Variants in BASP1 observed in about 807,000 individuals in gnomAD.
BASP1 encodes the protein brain acid soluble protein 1.
In BASP1, 1 loss-of-function variant was observed where a neutral mutation model predicts 2.2. The ratio of observed to expected loss-of-function variants is 0.46; its 90% CI spans 0.16 to 2.17. BASP1 has a LOEUF of 2.17. Among genes scored for constraint, BASP1 ranks in the 30% most tolerant of loss-of-function variants. BASP1 has a pLI of 0.27. For missense variants in BASP1, 352 were observed against 327.2 expected, an observed-to-expected ratio of 1.08 and a Z score of -0.58; for synonymous variants, 187 against 154.2, an observed-to-expected ratio of 1.21 and a Z score of -1.58.
At chr5:17,237,806 T>G (rs1013218737) in intron 1 of BASP1, among the ~76,000 whole-genome samples, 3 of 152,048 alleles carry the variant, frequency 2.0e-5, no homozygotes, top group Non-Finnish European at 4.4e-5. Flanking sequence ...AGACAGTGTT[T>G]CACCATGTTG....
intron 1 of BASP1, among the ~76,000 whole-genome samples, chr5:17,235,404 G>A (rs565248320): frequency 7.2e-4 from 110 of 152,038 alleles, no homozygotes; most frequent in African/African-American, 2.5e-3. Flanking sequence ...GGGATTACAG[G>A]TGCCCGCCAC....
At chr5:17,226,981 T>G (rs1213074416) in intron 1 of BASP1, among the ~76,000 whole-genome samples, 1 of 151,322 alleles carries the variant, frequency 6.6e-6, no homozygotes, top group Non-Finnish European at 1.5e-5. Flanking sequence ...CAGGCTGGAG[T>G]GCAGTGGCGC....
intron 1 of BASP1, among the ~76,000 whole-genome samples, chr5:17,261,472 A>G (rs1740314698): frequency 6.6e-6 from 1 of 152,242 alleles, no homozygotes; most frequent in Non-Finnish European, 1.5e-5. Flanking sequence ...ACTATTTCAA[A>G]GAGACATGAT....
At chr5:17,270,844 T>A (rs149708555) in intron 1 of BASP1, among the ~76,000 whole-genome samples, 2,841 of 152,196 alleles carry the variant, frequency 0.019, 87 homozygotes, top group African/African-American at 0.064. Context: ...TTTAAAAAAA[T>A]TTTTTTATTT....
At chr5:17,259,869 T>A (rs1740282414) in intron 1 of BASP1, among the ~76,000 whole-genome samples, 1 of 152,240 alleles carries the variant, frequency 6.6e-6, no homozygotes, top group Non-Finnish European at 1.5e-5. Flanking sequence ...ATATCTCAGC[T>A]GCTCTAAGTG....
At position 17,275,406 on chromosome 5, in the gene BASP1, G is replaced by A. The variant is rs764444418; in HGVS notation, c.190G>A (p.Gly64Ser). The change falls in exon 2 of 2, where the codon GGC becomes AGC. Residue 64 changes from glycine to serine, a missense_variant. By Grantham distance (56) the Gly-to-Ser change is moderately conservative (BLOSUM62 0). Coordinates refer to ENST00000322611, the MANE Select transcript of BASP1 (RefSeq NM_006317.5). The surrounding 1 kb of genome is among the most constrained non-coding windows in gnomAD (Gnocchi z 5.3). ...GKEKPDQDAEGKAEEKEGEKD... is the reference protein window; with the variant it reads ...GKEKPDQDAESKAEEKEGEKD... ...GGAGAAGCCCGACCAGGACGCCGAG[G>A]GCAAGGCCGAGGAGAAGGAGGGCGA... is the stretch of plus-strand genomic sequence containing the variant. The A allele has an allele frequency of 1.3e-6, 2 of 1,569,246 alleles. No individual in the cohort carries two copies. The highest frequency in any genetic ancestry group is 3.9e-5 in the Admixed American group (2 of 50,992).
At chr5:17,238,390 A>ATG (rs1739790862) in intron 1 of BASP1, among the ~76,000 whole-genome samples, 1 of 152,034 alleles carries the variant, frequency 6.6e-6, no homozygotes, top group South Asian at 2.1e-4. Flanking sequence ...ACACCTACTG[A>ATG]TGTTTATCTT....
chr5:17,218,721 G>C (rs1739323018), intron 1 of BASP1, among the ~76,000 whole-genome samples: 1 of 152,040 alleles, frequency 6.6e-6, no homozygotes. Flanking sequence ...CTGAAACCCG[G>C]CGCCCGGTTC....
chr5:17,275,808 A>G lies in BASP1; in HGVS notation c.592A>G (p.Lys198Glu), dbSNP rs1441675922. ...AATEAPSSTPKAQGPAASAEE... is the reference protein window; with the variant it reads ...AATEAPSSTPEAQGPAASAEE... ...CACGGAAGCGCCTAGTTCCACACCC[A>G]AGGCCCAGGGCCCCGCAGCCTCTGC... Residue 198 changes from lysine (K) to glutamate (E), a missense_variant, in exon 2 of 2, where the codon AAG becomes GAG. By Grantham distance (56) the Lys-to-Glu change is moderately conservative (BLOSUM62 1). Coordinates refer to ENST00000322611, the MANE Select transcript of BASP1 (RefSeq NM_006317.5). The surrounding 1 kb of genome is among the most constrained non-coding windows in gnomAD (Gnocchi z 5.3). 6 of 1,612,568 alleles carry G rather than the reference A, an allele frequency of 3.7e-6. No homozygotes were observed. The highest frequency in any genetic ancestry group is 1.3e-5 in the African/African-American group (1 of 74,932).
At chr5:17,228,795 G>A (rs1739567953) in intron 1 of BASP1, among the ~76,000 whole-genome samples, 1 of 152,124 alleles carries the variant, frequency 6.6e-6, no homozygotes, top group African/African-American at 2.4e-5. Context: ...TTTCTGTATT[G>A]ATCCGCATTG....
intron 1 of BASP1, among the ~76,000 whole-genome samples, chr5:17,253,958 G>A (rs1028156760): frequency 1.3e-5 from 2 of 151,852 alleles, no homozygotes; most frequent in East Asian, 1.9e-4. Flanking sequence ...AAAGATGTAC[G>A]TAGCTATTTT....
rs191098295 is a variant in BASP1 at position 17,252,505 on chromosome 5, C to T, written c.-9-22703C>T. Among the ~76,000 whole-genome samples the T allele has an allele frequency of 6.2e-4, 94 of 152,224 alleles. No individual in the cohort carries two copies. In the East Asian group the frequency reaches 9.7e-3, roughly 16 times the overall value. Reference sequence around the variant, plus strand: ...GGAACTCTTGCTTGACACCCAAGCACGTTTTTTGGAGATGTTCTCTGTGGA... The same window carrying T: ...GGAACTCTTGCTTGACACCCAAGCATGTTTTTTGGAGATGTTCTCTGTGGA... On this transcript the variant is annotated intron_variant, in intron 1 of 1. Coordinates refer to ENST00000322611, the MANE Select transcript of BASP1 (RefSeq NM_006317.5).
Position 17,256,595 on chromosome 5 carries a change from A to G in BASP1, c.-9-18613A>G, listed in dbSNP as rs186417280. Among the ~76,000 whole-genome samples, 533 of 152,384 alleles carry G rather than the reference A, an allele frequency of 3.5e-3. 1 individual carries two copies. The highest frequency in any genetic ancestry group is 6.0e-3 in the Non-Finnish European group (407 of 68,036). Reference sequence around the variant, plus strand: ...CATTTATATTACAAATGAAATAACCAACCCTGGGAGGTTAACAGTGGCTTG... The same window carrying G: ...CATTTATATTACAAATGAAATAACCGACCCTGGGAGGTTAACAGTGGCTTG... On this transcript the variant is annotated intron_variant, in intron 1 of 1. Transcript: ENST00000322611.
intron 1 of BASP1, among the ~76,000 whole-genome samples, chr5:17,266,814 C>CAAA (rs70943882): frequency 0.024 from 2,640 of 111,046 alleles, 123 homozygotes; most frequent in African/African-American, 0.064. Flanking sequence ...GATCCTGTCT[C>CAAA]AAAAAAAAAA....
At chr5:17,267,800 A>G (rs1579502485) in intron 1 of BASP1, among the ~76,000 whole-genome samples, 1 of 117,312 alleles carries the variant, frequency 8.5e-6, no homozygotes, top group Admixed American at 1.1e-4. Context: ...TACAGGCGTG[A>G]GCCACCGCTC....
At position 17,266,688 on chromosome 5, in the gene BASP1, A is replaced by T. The variant is rs567719237; in HGVS notation, c.-9-8520A>T. Among the ~76,000 whole-genome samples the T allele has an allele frequency of 3.3e-5, 5 of 152,140 alleles. No homozygotes were observed. In the East Asian group the frequency reaches 9.7e-4, roughly 29 times the overall value. On this transcript the variant is annotated intron_variant, in intron 1 of 1. Coordinates refer to ENST00000322611, the MANE Select transcript of BASP1 (RefSeq NM_006317.5). ...AAATTAGCCAGGTGTGGTGGTGCAC[A>T]GGTAATCCCAGCTACTCAGGAGGCT...
rs1000722283 is a variant in BASP1, at chr5:17,275,594, C to T, written c.378C>T (p.Ala126=). The part of the protein sequence containing the change: ...GGEAPKAAEA[A]AAPAESAAPA... The stretch of plus-strand genomic sequence containing the variant: ...AGGCCCCCAAAGCTGCTGAGGCCGC[C>T]GCGGCCCCGGCCGAGAGCGCGGCCC... Residue 126 remains alanine (A), a synonymous_variant, in exon 2 of 2, where the codon GCC becomes GCT. Coordinates refer to ENST00000322611, the MANE Select transcript of BASP1 (RefSeq NM_006317.5). This position sits in a 1 kb window ranked among gnomAD's most constrained non-coding sequence, Gnocchi z 5.3. 22 of 1,410,136 alleles carry T rather than the reference C, an allele frequency of 1.6e-5. No homozygotes were observed. Among genetic ancestry groups the T allele is most frequent in the African/African-American group, 4.6e-5 (3 of 65,360 alleles). 87.4% of individuals were successfully genotyped at this position (1,410,136 alleles called of 1,614,324 possible).
At chr5:17,243,459 CA>C (rs1226741023) in intron 1 of BASP1, among the ~76,000 whole-genome samples, 1 of 152,090 alleles carries the variant, frequency 6.6e-6, no homozygotes, top group Non-Finnish European at 1.5e-5. Flanking sequence ...CGGCTCCCTC[CA>C]ACCTTCTTAA....
intron 1 of BASP1, among the ~76,000 whole-genome samples, chr5:17,267,026 A>G (rs1410650538): frequency 1.3e-5 from 2 of 152,192 alleles, no homozygotes; most frequent in African/African-American, 2.4e-5. Flanking sequence ...ACATAACACT[A>G]AACTGAATAT....
Sources: gnomAD v4.1 joint callset for allele counts (sites outside exome capture counted in the v4.1 genomes callset) on GRCh38, gnomAD v4.1.1 for gene constraint, Gnocchi (gnomAD v3.1) non-coding constraint, MANE v1.5 for transcripts, NCBI Gene and HGNC (gene_info 2026-07-23, HGNC 2026-07-21) for gene names.